NBPF15: variants seen among roughly 807,000 people sequenced by gnomAD.
NBPF15 encodes the protein NBPF family member NBPF15.
NBPF15 carries 74 observed loss-of-function variants against 62.2 expected under a neutral mutation model. The observed-to-expected ratio is 1.19, with a 90% confidence interval of 0.99 to 1.44. The LOEUF (loss-of-function observed/expected upper bound fraction) is 1.44, where lower values mean the gene tolerates loss of function less well. Ranked by LOEUF, NBPF15 falls within the 40% of genes most tolerant of loss-of-function variation. The pLI, the probability that NBPF15 is intolerant of heterozygous loss-of-function variation, is 0.00. For missense variants in NBPF15, 790 were observed against 550.0 expected, an observed-to-expected ratio of 1.44 and a Z score of -4.36; for synonymous variants, 244 against 209.7, an observed-to-expected ratio of 1.16 and a Z score of -1.41.
At chr1:144,439,254 T>C (rs1471828120) in intron 8 of NBPF15, among the ~76,000 whole-genome samples, 4 of 151,876 alleles carry the variant, frequency 2.6e-5, no homozygotes, top group Non-Finnish European at 4.4e-5. Context: ...AGTGCTGGGA[T>C]TACAGGAGTG....
At chr1:144,447,165 A>G (rs1688161561) in intron 6 of NBPF15, among the ~76,000 whole-genome samples, 1 of 152,290 alleles carries the variant, frequency 6.6e-6, no homozygotes, top group South Asian at 2.1e-4. Context: ...GGGAGGACAA[A>G]TCCATGCAGC....
intron 9 of NBPF15, among the ~76,000 whole-genome samples, chr1:144,437,695 G>GTTATGTAAA (rs1169836744): frequency 2.0e-5 from 3 of 151,466 alleles, no homozygotes; most frequent in African/African-American, 7.3e-5. Context: ...TTAATTTTGT[G>GTTATGTAAA]TTATGTAAAT....
At chr1:144,461,323 C>G (rs1387555233) in intron 1 of NBPF15, 58 bp downstream of exon 1, 1 of 151,290 alleles carries the variant, frequency 6.6e-6, no homozygotes, top group Admixed American at 6.6e-5. Flanking sequence ...TCGCTCGCAA[C>G]AAAACTTGCG....
rs781890841 is a variant in NBPF15, at chr1:144,423,234, C to T, written c.1792G>A (p.Val598Met). 7 of 1,611,448 alleles carry T rather than the reference C, an allele frequency of 4.3e-6. No homozygotes were observed. The highest frequency in any genetic ancestry group is 1.3e-5 in the African/African-American group (1 of 74,760). ...TCCTGTAAGACTTCAGGCTCTTCCACTTCCATCAGCACGCCGTAGAGCCTG... is the reference window on the plus strand; with the variant it reads ...TCCTGTAAGACTTCAGGCTCTTCCATTTCCATCAGCACGCCGTAGAGCCTG... ...CPRLYGVLME[V>M]EEPEVLQDSL... Residue 598 changes from valine to methionine, a missense_variant, in exon 22 of 22, where the codon GTG becomes ATG. Transcript: ENST00000581897.
intron 4 of NBPF15, among the ~76,000 whole-genome samples, chr1:144,456,315 G>A (rs1420161263): frequency 6.6e-6 from 1 of 152,030 alleles, no homozygotes; most frequent in Non-Finnish European, 1.5e-5. Flanking sequence ...CTCCTCTCCT[G>A]AGGTAAAATC....
intron 6 of NBPF15, among the ~76,000 whole-genome samples, chr1:144,447,162 C>T (rs1443930629): frequency 3.3e-5 from 5 of 152,300 alleles, no homozygotes; most frequent in African/African-American, 7.2e-5. Flanking sequence ...GCAGGGAGGA[C>T]AAATCCATGC....
chr1:144,455,024 C>G (rs1294787158), intron 4 of NBPF15, among the ~76,000 whole-genome samples: 2 of 145,722 alleles, frequency 1.4e-5, no homozygotes, highest in Non-Finnish European at 3.0e-5. Context: ...AAAGAGAGAG[C>G]ATGAGAGACA....
intron 6 of NBPF15, among the ~76,000 whole-genome samples, chr1:144,442,281 GTGTATATATTATATATATAT>G: frequency 9.3e-6 from 1 of 107,008 alleles, no homozygotes; most frequent in Middle Eastern, 5.3e-3. Context: ...ATATATACAC[GTGTATATATTATATATATAT>G]ATACACGTGT....
chr1:144,441,813 T>G lies in NBPF15; in HGVS notation c.-190-1518A>C, dbSNP rs181890211. Among the ~76,000 whole-genome samples the G allele has an allele frequency of 9.9e-4, 149 of 151,248 alleles. 2 individuals carry two copies. The highest frequency in any genetic ancestry group is 3.5e-3 in the African/African-American group (144 of 40,798). ...TGATGGAGAGTGGTTAATATTAACT[T>G]TTTAAAACAACAAATATTATTTCAC... On this transcript the variant is annotated intron_variant, in intron 6 of 21. Transcript: ENST00000581897.
In NBPF15 at chr1:144,439,870, G is replaced by A; in HGVS notation, c.134C>T (p.Thr45Ile). 2 of 1,610,476 alleles carry A rather than the reference G, an allele frequency of 1.2e-6. No homozygotes were observed. The highest frequency in any genetic ancestry group is 2.2e-5 in the East Asian group (1 of 44,852). Reference sequence around the variant, plus strand: ...GTTGGCCAGGAAGCCGGCCAGTTGAGTTAGAAAACATTTCTCTTTGAGGTT... The same window carrying A: ...GTTGGCCAGGAAGCCGGCCAGTTGAATTAGAAAACATTTCTCTTTGAGGTT... ...FRNLKEKCFL[T>I]QLAGFLANRQ... Residue 45 changes from threonine to isoleucine, a missense_variant, in exon 8 of 22, where the codon ACT (threonine) becomes ATT (isoleucine). Physicochemically the swap from Thr to Ile is moderately conservative, Grantham distance 89. Coordinates refer to ENST00000581897, the MANE Select transcript of NBPF15 (RefSeq NM_001385408.1).
At chr1:144,446,795 C>T (rs1292478250) in intron 6 of NBPF15, among the ~76,000 whole-genome samples, 1 of 150,524 alleles carries the variant, frequency 6.6e-6, no homozygotes, top group Admixed American at 6.6e-5. Flanking sequence ...AATCCCAGCA[C>T]TTTGGGAGGC....
At position 144,441,018 on chromosome 1, in the gene NBPF15, G is replaced by A. The variant is rs1164031578; in HGVS notation, c.-190-723C>T. ...ATATGCCACTAATTTGTTTGATTGTGTTTTTCCCTTGTTTCATTTTGTTTT... is the reference window on the plus strand; with the variant it reads ...ATATGCCACTAATTTGTTTGATTGTATTTTTCCCTTGTTTCATTTTGTTTT... On this transcript the variant is annotated intron_variant, in intron 6 of 21. Coordinates refer to ENST00000581897, the MANE Select transcript of NBPF15 (RefSeq NM_001385408.1). Among the ~76,000 whole-genome samples, 2 of 151,480 alleles carry A rather than the reference G, an allele frequency of 1.3e-5. 1 individual carries two copies. Among genetic ancestry groups the A allele is most frequent in the Non-Finnish European group, 2.9e-5 (2 of 67,836 alleles).
rs1326305510 is a variant in NBPF15, at chr1:144,428,626, G to A, written c.1020C>T (p.Asp340=). ...CTCACCTGGGACCTGTTGCCTCTTG[G>A]TCCTCCTTTTTCACTTGATCCCACC... ...RHRWDQVKKE[D]QEATGPRLSR... is the part of the protein sequence containing the mutation. Residue 340 remains aspartate (D), a synonymous_variant, in exon 15 of 22, where the codon GAC becomes GAT. Transcript: ENST00000581897. 1.1e-6 allele frequency: 1 copy of A among 909,976 alleles called. No homozygotes were observed. The highest frequency in any genetic ancestry group is 1.8e-6 in the Non-Finnish European group (1 of 548,302). The allele number at this position is 909,976 out of a possible 1,614,324, so 56.4% of individuals were successfully genotyped here. A position where few individuals can be genotyped will look rare whatever the true frequency, so the allele number is the denominator to read the frequency against.
Position 144,440,212 on chromosome 1 carries a change from C to G in NBPF15, c.-107G>C, listed in dbSNP as rs1302526210. 1.6e-5 allele frequency: 25 copies of G among 1,523,172 alleles called. No homozygotes were observed. In the East Asian group the frequency reaches 4.3e-4, roughly 26 times the overall value. The allele number at this position is 1,523,172 out of a possible 1,614,324, so 94.4% of individuals were successfully genotyped here. On this transcript the variant is annotated 5_prime_UTR_variant, in exon 7 of 22. Coordinates refer to ENST00000581897, the MANE Select transcript of NBPF15 (RefSeq NM_001385408.1). ...ACCACAAAAACAAGGTTCGAGGTGCCTCAACTCAGAGCTGAAAGCACTGTC... is the reference window on the plus strand; with the variant it reads ...ACCACAAAAACAAGGTTCGAGGTGCGTCAACTCAGAGCTGAAAGCACTGTC...
intron 4 of NBPF15, among the ~76,000 whole-genome samples, chr1:144,455,319 T>A (rs1693788129): frequency 6.6e-6 from 1 of 151,718 alleles, no homozygotes; most frequent in African/African-American, 2.4e-5. Flanking sequence ...TGAACAAATT[T>A]ACATGAAGAT....
At chr1:144,448,464 G>T (rs1689101107) in intron 6 of NBPF15, among the ~76,000 whole-genome samples, 2 of 151,994 alleles carry the variant, frequency 1.3e-5, no homozygotes, top group Non-Finnish European at 2.9e-5. Context: ...TGTACATAAA[G>T]GGAGGGGACA....
chr1:144,426,224 C>A, intron 18 of NBPF15, 54 bp downstream of exon 18: 1 of 581,718 alleles, frequency 1.7e-6, no homozygotes, highest in Non-Finnish European at 2.9e-6. Flanking sequence ...AGGAATATCA[C>A]CCCTATCTGG....
In NBPF15 at chr1:144,436,935, C is replaced by A. The variant is rs1365136110; in HGVS notation, c.453G>T (p.Gly151=). The A allele has an allele frequency of 2.5e-5, 40 of 1,612,096 alleles. 1 individual carries two copies. Among genetic ancestry groups the A allele is most frequent in the Non-Finnish European group, 3.2e-5 (38 of 1,179,644 alleles). Residue 151 remains glycine (G), a synonymous_variant, in exon 10 of 22, where the codon GGG becomes GGT. Coordinates refer to ENST00000581897, the MANE Select transcript of NBPF15 (RefSeq NM_001385408.1). The part of the protein sequence containing the change: ...GQDLQEQLAE[G]CRLTQHLVQK... ...GGACAAGGTGCTGTGTCAGTCTACA[C>A]CCCTCAGCCAGCTGTTCTTGGAGGT... is the stretch of plus-strand genomic sequence containing the variant.
chr1:144,442,104 ATATATATATATAATATATATACACGTG>A (rs1683349577), intron 6 of NBPF15, among the ~76,000 whole-genome samples: 2 of 91,306 alleles, frequency 2.2e-5, no homozygotes, highest in Non-Finnish European at 4.1e-5. Context: ...GCACACGTGT[ATATATATATATAATATATATACACGTG>A]TATATATATA....
Sources: allele counts gnomAD v4.1 joint callset (sites outside exome capture counted in the v4.1 genomes callset), GRCh38; gene constraint gnomAD v4.1.1; transcripts MANE v1.5; gene names NCBI Gene and HGNC (gene_info 2026-07-23, HGNC 2026-07-21).